BAIAP2: variants seen among roughly 807,000 people sequenced by gnomAD.
The protein encoded by BAIAP2 is BAR/IMD domain containing adaptor protein 2.
A neutral mutation model predicts 63.0 loss-of-function variants in BAIAP2; 18 were observed. The ratio of observed to expected loss-of-function variants is 0.29; its 90% CI spans 0.20 to 0.42. The LOEUF is 0.42. Ranked by LOEUF, BAIAP2 falls within the 10% of genes least tolerant of loss-of-function variation. The probability of loss-of-function intolerance (pLI) is 1.00; values close to 1 mark genes in which losing one functional copy is unlikely to be tolerated. For missense variants in BAIAP2, 610 were observed against 734.3 expected, an observed-to-expected ratio of 0.83 and a Z score of 1.96; for synonymous variants, 386 against 307.6, an observed-to-expected ratio of 1.25 and a Z score of -2.67.
chr17:81,070,050 C>T (rs1378626118), intron 3 of BAIAP2, among the ~76,000 whole-genome samples: 3 of 152,300 alleles, frequency 2.0e-5, no homozygotes, highest in South Asian at 4.1e-4. Context: ...ATTGCAGCCT[C>T]CTGGGCTCAA....
intron 3 of BAIAP2, among the ~76,000 whole-genome samples, chr17:81,078,766 C>G (rs186060230): frequency 6.6e-6 from 1 of 152,086 alleles, no homozygotes; most frequent in Non-Finnish European, 1.5e-5. Flanking sequence ...CTCCGCTCCT[C>G]TCTGGCTGTG....
intron 13 of BAIAP2, among the ~76,000 whole-genome samples, chr17:81,115,093 TTTCAAC>T (rs1463005117): frequency 1.3e-5 from 2 of 152,216 alleles, no homozygotes; most frequent in African/African-American, 4.8e-5. Context: ...TCTTGTTCCA[TTTCAAC>T]TTCTTGTCTT....
Position 81,116,130 on chromosome 17 carries a change from CCT to C in BAIAP2, c.*292_*293del. 3 of 1,582,618 alleles carry C rather than the reference CCT, an allele frequency of 1.9e-6. No homozygotes were observed. Among genetic ancestry groups the C allele is most frequent in the Admixed American group, 1.7e-5 (1 of 58,650 alleles). On this transcript the variant is annotated 3_prime_UTR_variant, in exon 14 of 14. Transcript: ENST00000428708. ...ACATGGCCATGGAGCCTTGGGTACCCCTGAGTTAAGGGAGGACATTTGGCCAG... is the reference window on the plus strand; with the variant it reads ...ACATGGCCATGGAGCCTTGGGTACCCGAGTTAAGGGAGGACATTTGGCCAG...
At chr17:81,111,607 C>T (rs970658406) in intron 13 of BAIAP2, among the ~76,000 whole-genome samples, 4 of 152,250 alleles carry the variant, frequency 2.6e-5, no homozygotes, top group Non-Finnish European at 1.5e-5. Flanking sequence ...ACGCTCACTC[C>T]GGGGACCACA....
At chr17:81,078,420 C>T (rs2054055766) in intron 3 of BAIAP2, among the ~76,000 whole-genome samples, 1 of 140,860 alleles carries the variant, frequency 7.1e-6, no homozygotes, top group African/African-American at 2.7e-5. Flanking sequence ...GCTGTGGGTG[C>T]AGGTGCCATC....
chr17:81,105,812 C>T (rs908934411), intron 10 of BAIAP2: 31 of 409,650 alleles, frequency 7.6e-5, no homozygotes, highest in East Asian at 2.5e-4. Context: ...CTGCTCTGCC[C>T]GGGCTCTGGG....
chr17:81,114,333 G>C (rs2060268377), intron 13 of BAIAP2, among the ~76,000 whole-genome samples: 1 of 151,932 alleles, frequency 6.6e-6, no homozygotes, highest in African/African-American at 2.4e-5. Flanking sequence ...GAGGAACTCG[G>C]GCCACAGAGC....
chr17:81,092,624 C>T (rs1386773243), intron 6 of BAIAP2, among the ~76,000 whole-genome samples: 1 of 152,216 alleles, frequency 6.6e-6, no homozygotes, highest in African/African-American at 2.4e-5. Context: ...GGCACTGGGG[C>T]TAGGAAGCAT....
At chr17:81,098,789 C>T (rs1670123203) in intron 6 of BAIAP2, among the ~76,000 whole-genome samples, 1 of 152,122 alleles carries the variant, frequency 6.6e-6, no homozygotes. Flanking sequence ...GAGCCAGGGC[C>T]ACAGACGCAA....
chr17:81,077,383 AC>A (rs1196173895), intron 3 of BAIAP2, among the ~76,000 whole-genome samples: 1 of 152,056 alleles, frequency 6.6e-6, no homozygotes. Flanking sequence ...CCTGGCCAAC[AC>A]GGTGAAACCC....
chr17:81,102,506 T>C (rs1489928989), intron 7 of BAIAP2, among the ~76,000 whole-genome samples: 1 of 152,226 alleles, frequency 6.6e-6, no homozygotes, highest in African/African-American at 2.4e-5. Context: ...AGGGCAGCCA[T>C]GAATGAATGA....
chr17:81,111,489 C>T (rs531053122), intron 13 of BAIAP2, among the ~76,000 whole-genome samples: 1 of 152,356 alleles, frequency 6.6e-6, no homozygotes, highest in Non-Finnish European at 1.5e-5. Flanking sequence ...GTTAGTCTGA[C>T]CTTGCCTCTT....
intron 3 of BAIAP2, among the ~76,000 whole-genome samples, chr17:81,062,371 C>T (rs1472207924): frequency 6.6e-6 from 1 of 150,914 alleles, no homozygotes; most frequent in Non-Finnish European, 1.5e-5. Context: ...GTTATTATGA[C>T]TCTGTGGTAT....
chr17:81,047,618 G>A (rs1266941464), intron 1 of BAIAP2, among the ~76,000 whole-genome samples: 28 of 124,276 alleles, frequency 2.3e-4, no homozygotes, highest in South Asian at 2.6e-4. Flanking sequence ...TCCAGCACAC[G>A]TGTGAGTGTA....
intron 3 of BAIAP2, 76 bp downstream of exon 3, chr17:81,058,043 A>G: frequency 1.8e-6 from 2 of 1,113,192 alleles, no homozygotes; most frequent in Non-Finnish European, 2.4e-6. Context: ...TCCTGTGTCC[A>G]GCCGCTTTTT....
chr17:81,040,099 A>G lies in BAIAP2; in HGVS notation c.54+4791A>G, dbSNP rs1361866362. 2.0e-5 allele frequency among the ~76,000 whole-genome samples: 3 copies of G among 152,038 alleles called. 1 individual carries two copies. Among genetic ancestry groups the G allele is most frequent in the Admixed American group, 2.0e-4 (3 of 15,276 alleles). On this transcript the variant is annotated intron_variant, in intron 1 of 13. Coordinates refer to ENST00000428708, the MANE Select transcript of BAIAP2 (RefSeq NM_001144888.2). ...TGTGGGTGCCACCATGGGTGGGGACACTCGCCACCGTCTGTGGAGGCGGGG... is the reference window on the plus strand; with the variant it reads ...TGTGGGTGCCACCATGGGTGGGGACGCTCGCCACCGTCTGTGGAGGCGGGG...
intron 13 of BAIAP2, among the ~76,000 whole-genome samples, chr17:81,112,163 C>A (rs945520010): frequency 6.6e-6 from 1 of 152,238 alleles, no homozygotes; most frequent in South Asian, 2.1e-4. Context: ...CAGACCCCCC[C>A]ACTCCCCCAG....
chr17:81,098,901 G>A (rs1290804234), intron 6 of BAIAP2, among the ~76,000 whole-genome samples: 1 of 152,142 alleles, frequency 6.6e-6, no homozygotes, highest in Non-Finnish European at 1.5e-5. Context: ...GTGCCCAAGA[G>A]CACCTGCCAG....
intron 1 of BAIAP2, among the ~76,000 whole-genome samples, chr17:81,042,659 T>C (rs2047246261): frequency 6.6e-6 from 1 of 151,738 alleles, no homozygotes; most frequent in South Asian, 2.1e-4. Context: ...AATGGTGGAA[T>C]GCGCTGGGGT....
Sources: gnomAD v4.1 joint callset for allele counts (sites outside exome capture counted in the v4.1 genomes callset) on GRCh38, gnomAD v4.1.1 for gene constraint, MANE v1.5 for transcripts, NCBI Gene and HGNC (gene_info 2026-07-23, HGNC 2026-07-21) for gene names.